Variants in ZFAND3 observed in about 807,000 individuals in gnomAD.
The protein encoded by ZFAND3 is AN1-type zinc finger protein 3.
A neutral mutation model predicts 29.6 loss-of-function variants in ZFAND3; 10 were observed. That is an observed-to-expected ratio of 0.34 (90% CI 0.21 to 0.57). ZFAND3 has a LOEUF of 0.57. Ranked by LOEUF, ZFAND3 falls within the 20% of genes least tolerant of loss-of-function variation. The pLI, the probability that ZFAND3 is intolerant of heterozygous loss-of-function variation, is 0.86. For missense variants in ZFAND3, 230 were observed against 304.5 expected (o/e 0.76, Z 1.82); for synonymous variants, 128 against 112.6 (o/e 1.14, Z -0.87).
At chr6:37,849,315 A>G (rs1441091349) in intron 1 of ZFAND3, among the ~76,000 whole-genome samples, 1 of 152,124 alleles carries the variant, frequency 6.6e-6, no homozygotes, top group Non-Finnish European at 1.5e-5. Context: ...TCTTTGGGCT[A>G]TGGGGAGGTA....
intron 2 of ZFAND3, among the ~76,000 whole-genome samples, chr6:37,966,048 C>T (rs563841836): frequency 6.6e-6 from 1 of 152,296 alleles, no homozygotes; most frequent in South Asian, 2.1e-4. Context: ...CAGGTATGAG[C>T]CACATTTCCT....
chr6:38,002,309 A>G lies in ZFAND3; in HGVS notation c.113-59284A>G, dbSNP rs141310610. On this transcript the variant is annotated intron_variant, in intron 2 of 5. Coordinates refer to ENST00000287218, the MANE Select transcript of ZFAND3 (RefSeq NM_021943.3). The stretch of plus-strand genomic sequence containing the variant: ...TCTTTTTTTTTTTTTTTTAAAGAAA[A>G]CAGTTTAACATCAAATGTTTCCCAG... 4.0e-3 allele frequency among the ~76,000 whole-genome samples: 605 copies of G among 150,936 alleles called. 2 individuals are homozygous for G. The highest frequency in any genetic ancestry group is 6.4e-3 in the Non-Finnish European group (434 of 67,732).
chr6:37,964,065 T>G (rs958227413), intron 2 of ZFAND3, among the ~76,000 whole-genome samples: 16 of 152,202 alleles, frequency 1.1e-4, no homozygotes, highest in African/African-American at 3.6e-4. Flanking sequence ...TGTTTCATTC[T>G]TTTTTCCCCC....
At chr6:37,874,942 G>A (rs1370430050) in intron 1 of ZFAND3, among the ~76,000 whole-genome samples, 1 of 152,218 alleles carries the variant, frequency 6.6e-6, no homozygotes, top group Non-Finnish European at 1.5e-5. Context: ...TCAGCTGGCT[G>A]CACTTTGTCA....
At chr6:38,032,985 A>C (rs1476094802) in intron 2 of ZFAND3, among the ~76,000 whole-genome samples, 4 of 152,170 alleles carry the variant, frequency 2.6e-5, no homozygotes, top group Non-Finnish European at 4.4e-5. Context: ...GCCTCCCCGG[A>C]ATGCTAATAC....
intron 1 of ZFAND3, 94 bp downstream of exon 1, chr6:37,820,110 C>T: frequency 2.1e-6 from 2 of 951,308 alleles, no homozygotes; most frequent in Non-Finnish European, 2.6e-6. Context: ...GAGGCCGGAA[C>T]CTTGGAGGCT....
chr6:37,860,986 G>T (rs910265051), intron 1 of ZFAND3, among the ~76,000 whole-genome samples: 21 of 152,096 alleles, frequency 1.4e-4, no homozygotes, highest in African/African-American at 4.8e-4. Context: ...AAGGCCGGGC[G>T]TGGTGGCTCA....
intron 4 of ZFAND3, 70 bp from the exon 5 acceptor site, chr6:38,116,502 A>G: frequency 2.0e-6 from 3 of 1,523,400 alleles, no homozygotes; most frequent in Non-Finnish European, 2.7e-6. Flanking sequence ...AATGCCTGGA[A>G]ATACATTAAT....
chr6:38,092,743 C>T (rs1281347488), intron 4 of ZFAND3, among the ~76,000 whole-genome samples: 1 of 152,160 alleles, frequency 6.6e-6, no homozygotes, highest in Non-Finnish European at 1.5e-5. Flanking sequence ...CTCAACTTCA[C>T]TAAATCACAG....
At chr6:37,869,191 C>T (rs758146275) in intron 1 of ZFAND3, among the ~76,000 whole-genome samples, 21 of 152,140 alleles carry the variant, frequency 1.4e-4, no homozygotes, top group African/African-American at 4.8e-4. Flanking sequence ...GATGGAGTCT[C>T]GCTCTATCAT....
intron 1 of ZFAND3, among the ~76,000 whole-genome samples, chr6:37,820,744 C>T (rs895838844): frequency 6.6e-6 from 1 of 152,182 alleles, no homozygotes; most frequent in Non-Finnish European, 1.5e-5. Flanking sequence ...TCAAATTCTC[C>T]TCTTTCTCAA....
At chr6:37,999,864 C>T (rs1283995087) in intron 2 of ZFAND3, among the ~76,000 whole-genome samples, 2 of 152,018 alleles carry the variant, frequency 1.3e-5, no homozygotes, top group African/African-American at 4.8e-5. Context: ...AATATTGGCT[C>T]GTTAATTGTA....
intron 2 of ZFAND3, among the ~76,000 whole-genome samples, chr6:37,996,580 T>C (rs1195696024): frequency 6.6e-6 from 1 of 152,170 alleles, no homozygotes; most frequent in Non-Finnish European, 1.5e-5. Flanking sequence ...TGTTTTGTTT[T>C]CTGTTGAGTA....
chr6:37,948,400 T>C (rs1022012799), intron 2 of ZFAND3, among the ~76,000 whole-genome samples: 3 of 152,248 alleles, frequency 2.0e-5, no homozygotes, highest in Non-Finnish European at 2.9e-5. Context: ...GAGATTAATT[T>C]AGCCATGCTA....
chr6:38,049,455 A>T (rs1228371937), intron 2 of ZFAND3, among the ~76,000 whole-genome samples: 8 of 152,216 alleles, frequency 5.3e-5, no homozygotes, highest in African/African-American at 1.7e-4. Context: ...CCAAGGTTAC[A>T]CAGCAATTAA....
At chr6:37,865,722 T>C (rs1764577934) in intron 1 of ZFAND3, among the ~76,000 whole-genome samples, 1 of 152,210 alleles carries the variant, frequency 6.6e-6, no homozygotes, top group Admixed American at 6.5e-5. Context: ...AGTTGTGTTA[T>C]AGCGTCACAG....
At chr6:37,924,861 C>T (rs952210321) in intron 1 of ZFAND3, among the ~76,000 whole-genome samples, 2 of 151,774 alleles carry the variant, frequency 1.3e-5, no homozygotes, top group African/African-American at 4.8e-5. Flanking sequence ...GAGGGAAGGC[C>T]AGTGAGGAGG....
intron 2 of ZFAND3, among the ~76,000 whole-genome samples, chr6:37,976,202 G>T (rs1437304750): frequency 6.6e-6 from 1 of 152,108 alleles, no homozygotes; most frequent in Non-Finnish European, 1.5e-5. Context: ...TGTAAACTTG[G>T]TAAACTTATT....
chr6:37,854,798 G>C (rs1043151547), intron 1 of ZFAND3, among the ~76,000 whole-genome samples: 50 of 133,982 alleles, frequency 3.7e-4, no homozygotes, highest in African/African-American at 1.3e-3. Context: ...GAAGTAGGCT[G>C]ACCTGAAATT....
Sources: gnomAD v4.1 joint callset for allele counts (sites outside exome capture counted in the v4.1 genomes callset) on GRCh38, gnomAD v4.1.1 for gene constraint, MANE v1.5 for transcripts, NCBI Gene and HGNC (gene_info 2026-07-23, HGNC 2026-07-21) for gene names.